Variants in IL21R observed in about 807,000 individuals in gnomAD.
The protein encoded by IL21R is interleukin 21 receptor.
A neutral mutation model predicts 41.3 loss-of-function variants in IL21R; 14 were observed. That is an observed-to-expected ratio of 0.34 (90% CI 0.22 to 0.53). IL21R has a LOEUF of 0.53. Among genes scored for constraint, IL21R ranks in the 20% least tolerant of loss-of-function variants. The pLI is 0.94. For synonymous variants in IL21R, 286 were observed against 287.6 expected, an observed-to-expected ratio of 0.99 and a Z score of 0.05; for missense variants, 588 against 681.6, an observed-to-expected ratio of 0.86 and a Z score of 1.53.
intron 1 of IL21R, among the ~76,000 whole-genome samples, chr16:27,429,835 G>T (rs1318606766): frequency 1.3e-5 from 2 of 152,182 alleles, no homozygotes; most frequent in Non-Finnish European, 1.5e-5. Context: ...TGATGGGGCG[G>T]GGGCAGGAAG....
chr16:27,412,407 CCTTCTT>C (rs746285176), intron 1 of IL21R, among the ~76,000 whole-genome samples: 78 of 144,166 alleles, frequency 5.4e-4, no homozygotes, highest in Admixed American at 6.8e-5. Context: ...TTCTCCTTCT[CCTTCTT>C]CTTCTTCTTT....
At chr16:27,410,072 A>T (rs1344351126) in intron 1 of IL21R, among the ~76,000 whole-genome samples, 1 of 152,200 alleles carries the variant, frequency 6.6e-6, no homozygotes, top group Non-Finnish European at 1.5e-5. Context: ...GCAGTGGCTG[A>T]CACCTGTAAT....
At chr16:27,426,355 G>A (rs2087077929) in intron 1 of IL21R, among the ~76,000 whole-genome samples, 1 of 152,216 alleles carries the variant, frequency 6.6e-6, no homozygotes, top group African/African-American at 2.4e-5. Flanking sequence ...AGGAGGCAAG[G>A]TAAAGATCAA....
At chr16:27,431,464 A>G (rs1001659606) in intron 2 of IL21R, among the ~76,000 whole-genome samples, 1 of 152,108 alleles carries the variant, frequency 6.6e-6, no homozygotes. Flanking sequence ...TGGCCACACT[A>G]CCCGGAAGAG....
intron 1 of IL21R, among the ~76,000 whole-genome samples, chr16:27,421,283 T>G (rs1193712412): frequency 6.7e-6 from 1 of 149,838 alleles, no homozygotes; most frequent in Non-Finnish European, 1.5e-5. Flanking sequence ...TTTTGGCTAT[T>G]CTAGTCCCTT....
Position 27,450,281 on chromosome 16 carries a change from T to C in IL21R, c.*998T>C, listed in dbSNP as rs1446724657. 2 of 232,194 alleles carry C rather than the reference T, an allele frequency of 8.6e-6. No homozygotes were observed. Among genetic ancestry groups the C allele is most frequent in the Non-Finnish European group, 1.7e-5 (2 of 117,436 alleles). The allele number at this position is 232,194 out of a possible 1,614,324, so 14.4% of individuals were successfully genotyped here. On this transcript the variant is annotated 3_prime_UTR_variant, in exon 9 of 9. Transcript: ENST00000337929. ...GCTACTAAGTTTTTAAAAATTCCCT[T>C]TATGCACCCAAGAGATATTTATTAA...
chr16:27,405,222 G>A (rs890591991), intron 1 of IL21R, among the ~76,000 whole-genome samples: 15 of 151,832 alleles, frequency 9.9e-5, no homozygotes, highest in Non-Finnish European at 1.9e-4. Context: ...TAGTGGAGGC[G>A]GGGTTTCACC....
intron 4 of IL21R, among the ~76,000 whole-genome samples, chr16:27,437,906 C>T (rs796175470): frequency 3.3e-4 from 51 of 152,288 alleles, no homozygotes; most frequent in African/African-American, 1.2e-3. Flanking sequence ...TCCAGCGATC[C>T]ACTTGCCTTG....
intron 1 of IL21R, among the ~76,000 whole-genome samples, chr16:27,409,485 G>A (rs184133034): frequency 2.4e-4 from 36 of 152,004 alleles, no homozygotes; most frequent in South Asian, 4.1e-4. Flanking sequence ...TCTTCTAGAC[G>A]ATTTACTGTT....
At chr16:27,434,537 A>G in intron 3 of IL21R, 88 bp downstream of exon 3, 1 of 822,264 alleles carries the variant, frequency 1.2e-6, no homozygotes, top group Non-Finnish European at 2.0e-6. Context: ...TGCACTGAGG[A>G]CCACTGTGTC....
intron 2 of IL21R, among the ~76,000 whole-genome samples, chr16:27,432,316 G>A (rs1162505944): frequency 1.3e-5 from 2 of 152,216 alleles, no homozygotes; most frequent in African/African-American, 2.4e-5. Context: ...CACATGGGGA[G>A]GAGAAGCAGT....
intron 1 of IL21R, among the ~76,000 whole-genome samples, chr16:27,415,864 T>C (rs918011880): frequency 2.0e-5 from 3 of 152,220 alleles, no homozygotes; most frequent in African/African-American, 7.2e-5. Context: ...ATGTGCCTGG[T>C]ATCATCACTT....
chr16:27,433,656 A>G (rs2087213304), intron 2 of IL21R, among the ~76,000 whole-genome samples: 1 of 152,164 alleles, frequency 6.6e-6, no homozygotes, highest in African/African-American at 2.4e-5. Flanking sequence ...GCAGGATGGA[A>G]AGGTGTTAAA....
intron 1 of IL21R, among the ~76,000 whole-genome samples, chr16:27,409,669 T>C (rs1241660791): frequency 6.6e-6 from 1 of 152,250 alleles, no homozygotes; most frequent in Non-Finnish European, 1.5e-5. Flanking sequence ...AATCAAGTGG[T>C]TGAATACATG....
chr16:27,429,938 T>C, intron 1 of IL21R, 118 bp from the exon 2 acceptor site: 1 of 818,122 alleles, frequency 1.2e-6, no homozygotes, highest in Non-Finnish European at 1.9e-6. Flanking sequence ...ATCTTGCATT[T>C]TTCTTAAGAC....
rs56396624 is a variant in IL21R, at chr16:27,437,698, T to G, written c.352+11T>G. 5.0e-6 allele frequency: 8 copies of G among 1,611,880 alleles called. No homozygotes were observed. Among genetic ancestry groups the G allele is most frequent in the Admixed American group, 3.3e-5 (2 of 59,966 alleles). ...TCCTGGCTGAGAGCAGTGAGTATCC[T>G]GGGACCCCAGGCTTAGGGTGGCACT... On this transcript the variant is annotated intron_variant, in intron 4 of 8. Coordinates refer to ENST00000337929, the MANE Select transcript of IL21R (RefSeq NM_181078.3).
At chr16:27,444,375 G>A (rs2087440696) in intron 5 of IL21R, among the ~76,000 whole-genome samples, 167 bp from the exon 6 acceptor site, 1 of 152,086 alleles carries the variant, frequency 6.6e-6, no homozygotes, top group Non-Finnish European at 1.5e-5. Context: ...GTGAGTCTGT[G>A]CTCCCCATGC....
At chr16:27,419,823 TTATTATTA>T (rs2086970920) in intron 1 of IL21R, among the ~76,000 whole-genome samples, 1 of 8,922 alleles carries the variant, frequency 1.1e-4, no homozygotes, top group Non-Finnish European at 2.3e-4. Flanking sequence ...TAGTTTATTA[TTATTATTA>T]TTATTATTAT....
chr16:27,434,719 G>C (rs1286517839), intron 3 of IL21R, among the ~76,000 whole-genome samples: 1 of 152,070 alleles, frequency 6.6e-6, no homozygotes, highest in African/African-American at 2.4e-5. Flanking sequence ...TTAGGTACCA[G>C]GCCCCCAACT....
Sources: gnomAD v4.1 joint callset for allele counts (sites outside exome capture counted in the v4.1 genomes callset) on GRCh38, gnomAD v4.1.1 for gene constraint, MANE v1.5 for transcripts, NCBI Gene and HGNC (gene_info 2026-07-23, HGNC 2026-07-21) for gene names.